MIGA2: variants seen among roughly 807,000 people sequenced by gnomAD.
MIGA2 encodes the protein mitoguardin 2, also known as family with sequence similarity 73, member B.
MIGA2 carries 36 observed loss-of-function variants against 69.9 expected under a neutral mutation model. The observed-to-expected ratio is 0.52, with a 90% CI of 0.39 to 0.68. The LOEUF is 0.68. MIGA2 is among the 30% of genes least tolerant of loss of function. The probability of loss-of-function intolerance (pLI) is 0.00; values close to 1 mark genes in which losing one functional copy is unlikely to be tolerated. For missense variants in MIGA2, 660 were observed against 787.7 expected, an observed-to-expected ratio of 0.84 and a Z score of 1.94; for synonymous variants, 333 against 349.2, an observed-to-expected ratio of 0.95 and a Z score of 0.52.
intron 10 of MIGA2, 30 bp from the exon 11 acceptor site, chr9:129,063,515 G>A: frequency 1.9e-6 from 3 of 1,612,036 alleles, no homozygotes; most frequent in Non-Finnish European, 2.5e-6. Flanking sequence ...GTGCCCGGCA[G>A]CTCACTCCCC....
At chr9:129,050,633 G>A (rs1158335065) in intron 6 of MIGA2, among the ~76,000 whole-genome samples, 33 of 149,816 alleles carry the variant, frequency 2.2e-4, no homozygotes, top group Non-Finnish European at 3.8e-4. Flanking sequence ...GTGCAGTGGC[G>A]CAATCTTGGC....
At position 129,042,474 on chromosome 9, in the gene MIGA2, C is replaced by A. The variant is rs1326592525; in HGVS notation, c.267C>A (p.Leu89=). The A allele has an allele frequency of 6.2e-7, 1 of 1,600,012 alleles. No homozygotes were observed. Residue 89 remains leucine, a synonymous_variant, in exon 3 of 16, where the codon CTC becomes CTA. Coordinates refer to ENST00000684074, the MANE Select transcript of MIGA2 (RefSeq NM_001329990.2). ...GGGAGCAGCTGGGCACGGTGCCCCT[C>A]CCTATCCTCTTGGCCAGGAAGGTCC... ...MGGEQLGTVP[L]PILLARKVPS...
intron 3 of MIGA2, among the ~76,000 whole-genome samples, chr9:129,047,479 CT>C (rs888433742): frequency 3.3e-5 from 5 of 151,858 alleles, no homozygotes; most frequent in Non-Finnish European, 5.9e-5. Flanking sequence ...GTGGCACAGT[CT>C]TGGCTCACTG....
At position 129,069,179 on chromosome 9, in the gene MIGA2, G is replaced by A. The variant is rs376901695; in HGVS notation, c.1458+50G>A. 15 of 1,610,930 alleles carry A rather than the reference G, an allele frequency of 9.3e-6. No homozygotes were observed. The highest frequency in any genetic ancestry group is 2.2e-5 in the South Asian group (2 of 91,050). On this transcript the variant is annotated intron_variant, in intron 14 of 15. Transcript: ENST00000684074. This position sits in a 1 kb window ranked among gnomAD's most constrained non-coding sequence, Gnocchi z 4.9. ...AGCACGAGCTGGGCTCTGAGGCAGC[G>A]TGGTGGGGAGCGGAGCGGGTGCAGG...
At chr9:129,047,102 CAG>C (rs1270714224) in intron 3 of MIGA2, 1 of 151,852 alleles carries the variant, frequency 6.6e-6, no homozygotes, top group Non-Finnish European at 1.5e-5. Flanking sequence ...ATTTTTGAGA[CAG>C]AGTCTCACCC....
At chr9:129,058,308 C>T (rs767674723) in intron 6 of MIGA2, among the ~76,000 whole-genome samples, 4 of 150,066 alleles carry the variant, frequency 2.7e-5, no homozygotes, top group Non-Finnish European at 4.4e-5. Flanking sequence ...GAAGCAGAGA[C>T]GGAAGGATCA....
chr9:129,042,536 T>C (rs760675620), intron 3 of MIGA2, 22 bp downstream of exon 3: 4 of 1,543,682 alleles, frequency 2.6e-6, no homozygotes, highest in Non-Finnish European at 1.7e-6. Context: ...GTGGTGGGCA[T>C]AGGCCTGACC....
chr9:129,039,171 TTGTTTGTGTG>T lies in MIGA2; in HGVS notation c.-143-1277_-143-1268del, dbSNP rs1373475076. ...AAAATACGTAGCGTGGAGTAGCTCTTTGTTTGTGTGTGTGTGTGTGTGTGTGTGTGTGTGT... is the reference window on the plus strand; with the variant it reads ...AAAATACGTAGCGTGGAGTAGCTCTTTGTGTGTGTGTGTGTGTGTGTGTGT... On this transcript the variant is annotated intron_variant, in intron 1 of 15. Coordinates refer to ENST00000684074, the MANE Select transcript of MIGA2 (RefSeq NM_001329990.2). Among the ~76,000 whole-genome samples, 4 of 126,458 alleles carry T rather than the reference TTGTTTGTGTG, an allele frequency of 3.2e-5. No individual in the cohort carries two copies. The South Asian group carries it at 1.1e-3, about 34-fold the overall frequency. 83.0% of individuals were successfully genotyped at this position (126,458 alleles called of 152,430 possible). A position where few individuals can be genotyped will look rare whatever the true frequency, so the allele number is the denominator to read the frequency against.
chr9:129,055,486 T>TG (rs1845748022), intron 6 of MIGA2, among the ~76,000 whole-genome samples: 1 of 152,128 alleles, frequency 6.6e-6, no homozygotes. Flanking sequence ...CTAGGCTAAG[T>TG]GGGTTCATCT....
chr9:129,063,734 A>C, intron 11 of MIGA2, 103 bp downstream of exon 11: 2 of 1,087,388 alleles, frequency 1.8e-6, no homozygotes. Flanking sequence ...AGGCTGATAC[A>C]CGTTCCTCCT....
chr9:129,058,560 C>T (rs939355425), intron 6 of MIGA2, among the ~76,000 whole-genome samples: 9 of 137,896 alleles, frequency 6.5e-5, no homozygotes, highest in African/African-American at 1.9e-4. Context: ...AGTGCAATGG[C>T]GCGATCTTGG....
intron 6 of MIGA2, among the ~76,000 whole-genome samples, chr9:129,053,394 G>A (rs531763619): frequency 3.5e-4 from 52 of 149,404 alleles, no homozygotes; most frequent in African/African-American, 1.1e-3. Context: ...ACGGAGTTTC[G>A]CTTTTGTTGC....
At chr9:129,057,792 G>T in intron 6 of MIGA2, among the ~76,000 whole-genome samples, 1 of 151,950 alleles carries the variant, frequency 6.6e-6, no homozygotes, top group East Asian at 1.9e-4. Flanking sequence ...TTTTTGTAGA[G>T]ATAGGGTCTT....
chr9:129,049,997 G>A, intron 6 of MIGA2, 34 bp downstream of exon 6: 2 of 1,586,442 alleles, frequency 1.3e-6, no homozygotes, highest in Non-Finnish European at 8.6e-7. Flanking sequence ...TACGCCCATG[G>A]GATAAAGTTG....
At chr9:129,055,970 G>A (rs1845774188) in intron 6 of MIGA2, among the ~76,000 whole-genome samples, 1 of 151,556 alleles carries the variant, frequency 6.6e-6, no homozygotes, top group African/African-American at 2.4e-5. Flanking sequence ...GCAACATGGT[G>A]AGATCCTGTC....
rs1748546688 is a variant in MIGA2, at chr9:129,060,193, T to C, written c.794-357T>C. On this transcript the variant is annotated intron_variant, in intron 7 of 15. Transcript: ENST00000684074. This position sits in a 1 kb window ranked among gnomAD's most constrained non-coding sequence, Gnocchi z 4.8. ...CAGCTTGTCAGAGGAGAGAGGCGAT[T>C]TCCCCGGGGCCACACAGTTCAAGGT... Among the ~76,000 whole-genome samples the C allele has an allele frequency of 6.6e-6, 1 of 152,110 alleles. No individual in the cohort carries two copies. Among genetic ancestry groups the C allele is most frequent in the Non-Finnish European group, 1.5e-5 (1 of 67,996 alleles).
Position 129,068,053 on chromosome 9 carries a change from C to G in MIGA2, c.1270-145C>G. On this transcript the variant is annotated intron_variant, in intron 12 of 15. Transcript: ENST00000684074. The surrounding 1 kb of genome is among the most constrained non-coding windows in gnomAD (Gnocchi z 4.1). ...GAGGGAGGAATGGCCTCAGCTACACCCGTTGCACAGCAGAGCGGGAAAGAC... is the reference window on the plus strand; with the variant it reads ...GAGGGAGGAATGGCCTCAGCTACACGCGTTGCACAGCAGAGCGGGAAAGAC... The G allele has an allele frequency of 2.3e-6, 3 of 1,323,368 alleles. No individual in the cohort carries two copies. The highest frequency in any genetic ancestry group is 3.2e-6 in the Non-Finnish European group (3 of 931,490). 82.0% of individuals were successfully genotyped at this position (1,323,368 alleles called of 1,614,324 possible). A position where few individuals can be genotyped will look rare whatever the true frequency, so the allele number is the denominator to read the frequency against.
chr9:129,040,740 T>C, intron 2 of MIGA2, 50 bp downstream of exon 2: 1 of 1,542,008 alleles, frequency 6.5e-7, no homozygotes, highest in Non-Finnish European at 8.9e-7. Context: ...ACTTCCATGC[T>C]CAGCCAAGGG....
At position 129,048,477 on chromosome 9, in the gene MIGA2, C is replaced by G; in HGVS notation, c.358C>G (p.Leu120Val). The G allele has an allele frequency of 6.2e-7, 1 of 1,614,124 alleles. No homozygotes were observed. ...QSPSSKSNDT[L>V]SGISSIEPSK... ...CCCCAGCAGCAAGAGCAACGACACC[C>G]TGAGTGGCATCTCTTCCATTGAGCC... Residue 120 changes from leucine to valine, a missense_variant, in exon 4 of 16, where the codon CTG becomes GTG. By Grantham distance (32) the Leu-to-Val change is conservative. Transcript: ENST00000684074.
Sources: gnomAD v4.1 joint callset for allele counts (sites outside exome capture counted in the v4.1 genomes callset) on GRCh38, gnomAD v4.1.1 for gene constraint, Gnocchi (gnomAD v3.1) non-coding constraint, MANE v1.5 for transcripts, NCBI Gene and HGNC (gene_info 2026-07-23, HGNC 2026-07-21) for gene names.